The following MGA variants were observed in gnomAD, a reference collection of about 807,000 sequenced individuals.
MGA encodes MAX dimerization protein MGA, also known as MAX gene-associated protein.
Under a neutral mutation model 261.1 loss-of-function variants are expected in MGA, and 40 were observed. That is an observed-to-expected ratio of 0.15 (90% CI 0.12 to 0.20). MGA has a LOEUF of 0.20. MGA is among the 10% of genes least tolerant of loss of function. The pLI, the probability that MGA is intolerant of heterozygous loss-of-function variation, is 1.00. For missense variants in MGA, 3,397 were observed against 3,630.5 expected, an observed-to-expected ratio of 0.94 and a Z score of 1.65; for synonymous variants, 1,302 against 1,290.6, an observed-to-expected ratio of 1.01 and a Z score of -0.19.
rs1013848261 is a variant in MGA, at chr15:41,635,994, A to G, written c.-68+14696A>G. On this transcript the variant is annotated intron_variant, in intron 1 of 8. Coordinates refer to the MGA transcript ENST00000566718. ...AAAACTTTATAAAATTCAGTACTAG[A>G]TGATACTGCAATAACATACAGTACA... 4.6e-5 allele frequency among the ~76,000 whole-genome samples: 7 copies of G among 152,328 alleles called. No individual in the cohort carries two copies. The South Asian group carries it at 8.3e-4, about 18-fold the overall frequency.
Position 41,767,380 on chromosome 15 carries a change from C to A in MGA, c.*100C>A. 4 of 1,278,538 alleles carry A rather than the reference C, an allele frequency of 3.1e-6. No homozygotes were observed. Among genetic ancestry groups the A allele is most frequent in the Middle Eastern group, 4.3e-4 (2 of 4,634 alleles). 79.2% of individuals were successfully genotyped at this position (1,278,538 alleles called of 1,614,324 possible). ...TTGTTTGTGTCTTAGAACTTGGATC[C>A]TTGACTTCAATGATGCAGTGGATAA... On this transcript the variant is annotated 3_prime_UTR_variant, in exon 24 of 24. Coordinates refer to ENST00000219905, the MANE Select transcript of MGA (RefSeq NM_001164273.2).
chr15:41,733,111 A>G (rs1201707925), intron 11 of MGA, among the ~76,000 whole-genome samples: 1 of 152,120 alleles, frequency 6.6e-6, no homozygotes, highest in African/African-American at 2.4e-5. Flanking sequence ...GGCGGGTGCC[A>G]CCATGCCCGG....
At chr15:41,682,777 G>A (rs529196615) in intron 2 of MGA, among the ~76,000 whole-genome samples, 13 of 152,170 alleles carry the variant, frequency 8.5e-5, no homozygotes, top group African/African-American at 2.9e-4. Flanking sequence ...CACTGCACCC[G>A]GCCTCATGTA....
chr15:41,662,935 TTG>T (rs2057504427), intron 1 of MGA, among the ~76,000 whole-genome samples: 3 of 152,228 alleles, frequency 2.0e-5, no homozygotes, highest in Non-Finnish European at 4.4e-5. Context: ...ATTTGAATAT[TTG>T]TGTTTTTAAA....
upstream of MGA, among the ~76,000 whole-genome samples, chr15:41,658,065 G>A (rs2057244093): frequency 6.6e-6 from 1 of 152,230 alleles, no homozygotes. Context: ...ATGAGATAGT[G>A]CCTATGTGTT....
In MGA at chr15:41,664,629, G is replaced by A. The variant is rs1184515118; in HGVS notation, c.-68+4104G>A. 2.0e-5 allele frequency among the ~76,000 whole-genome samples: 3 copies of A among 152,130 alleles called. No individual in the cohort carries two copies. The East Asian group carries it at 5.8e-4, about 29-fold the overall frequency. ...CTCACGTGGAACACATACACACAAA[G>A]GATGTTTTGCATACTTATTCACAAA... is the stretch of plus-strand genomic sequence containing the variant. On this transcript the variant is annotated intron_variant, in intron 1 of 23. Coordinates refer to ENST00000219905, the MANE Select transcript of MGA (RefSeq NM_001164273.2).
At chr15:41,644,850 C>T (rs1007133580) in intron 1 of MGA, among the ~76,000 whole-genome samples, 2 of 152,058 alleles carry the variant, frequency 1.3e-5, no homozygotes, top group Non-Finnish European at 2.9e-5. Flanking sequence ...GGAGATAATA[C>T]GTTAACCCAG....
intron 12 of MGA, among the ~76,000 whole-genome samples, chr15:41,735,023 A>G (rs1595907646): frequency 1.3e-5 from 2 of 152,248 alleles, no homozygotes; most frequent in South Asian, 2.1e-4. Flanking sequence ...GATGACAGGT[A>G]GTGGTCAGGT....
chr15:41,761,347 G>GTC (rs2063445360), intron 20 of MGA, among the ~76,000 whole-genome samples: 1 of 152,236 alleles, frequency 6.6e-6, no homozygotes, highest in Non-Finnish European at 1.5e-5. Flanking sequence ...TAAGTAGAAG[G>GTC]TGGAGGAGTA....
Position 41,766,320 on chromosome 15 carries a change from G to T in MGA, c.8238G>T (p.Lys2746Asn), listed in dbSNP as rs1596038653. The T allele has an allele frequency of 2.5e-6, 4 of 1,613,912 alleles. No individual in the cohort carries two copies. Among genetic ancestry groups the T allele is most frequent in the Non-Finnish European group, 3.4e-6 (4 of 1,179,840 alleles). The stretch of plus-strand genomic sequence containing the variant: ...AAGCACAAGAGTTCTTACCTAAAAA[G>T]ATTTCTGGTGATATGAGAGGGATTC... The change falls in exon 24 of 24, where the codon AAG becomes AAT. Residue 2746 changes from lysine to asparagine, a missense_variant. Transcript: ENST00000219905.
intron 1 of MGA, among the ~76,000 whole-genome samples, chr15:41,624,281 T>G (rs1316891621): frequency 1.3e-5 from 2 of 151,470 alleles, no homozygotes; most frequent in Non-Finnish European, 2.9e-5. Context: ...GGAGTCCTGC[T>G]CTGTCGCCCA....
chr15:41,628,099 G>A (rs1183270794), intron 1 of MGA, among the ~76,000 whole-genome samples: 1 of 152,052 alleles, frequency 6.6e-6, no homozygotes, highest in Non-Finnish European at 1.5e-5. Flanking sequence ...GGCCAGGCAT[G>A]GTGGCTCATG....
chr15:41,750,126 A>G lies in MGA; in HGVS notation c.6519A>G (p.Arg2173=). ...ACTCTCTGGAGAAAGACAGGGAAAG[A>G]TGGAGAAAACATCTGAAGGGCCCCT... The change falls in exon 17 of 24, where the codon AGA becomes AGG. Residue 2173 remains arginine (R), a synonymous_variant. Transcript: ENST00000219905. 1 of 1,613,612 alleles carries G rather than the reference A, an allele frequency of 6.2e-7. No homozygotes were observed. The highest frequency in any genetic ancestry group is 8.5e-7 in the Non-Finnish European group (1 of 1,179,784).
chr15:41,667,895 C>T (rs890107617), intron 1 of MGA, among the ~76,000 whole-genome samples: 1 of 152,104 alleles, frequency 6.6e-6, no homozygotes, highest in African/African-American at 2.4e-5. Flanking sequence ...CTTCTGCCTC[C>T]TAGGATCAAG....
In MGA at chr15:41,706,584, C is replaced by CT. The variant is rs1567007650; in HGVS notation, c.2189-1144_2189-1143insT. Among the ~76,000 whole-genome samples the CT allele has an allele frequency of 4.6e-4, 25 of 54,472 alleles. No homozygotes were observed. The South Asian group carries it at 6.7e-3, about 15-fold the overall frequency. The allele number at this position is 54,472 out of a possible 152,430, so 35.7% of individuals were successfully genotyped here. ...CTTAACACTTAGCTTTTTTTTTTTC[C>CT]CTTTTTTTTTTTTTGAGATAGAGTC... On this transcript the variant is annotated intron_variant, in intron 5 of 23. Transcript: ENST00000219905.
chr15:41,681,340 C>T (rs2058662464), intron 2 of MGA, among the ~76,000 whole-genome samples: 1 of 149,630 alleles, frequency 6.7e-6, no homozygotes, highest in Middle Eastern at 3.3e-3. Flanking sequence ...AAATTATTTT[C>T]TAGTACAATA....
At chr15:41,760,902 A>G (rs1026999806) in intron 20 of MGA, among the ~76,000 whole-genome samples, 1 of 152,082 alleles carries the variant, frequency 6.6e-6, no homozygotes, top group African/African-American at 2.4e-5. Context: ...ACACCTGGCT[A>G]ATTTTGTATT....
At chr15:41,710,593 C>G in intron 7 of MGA, 98 bp from the exon 8 acceptor site, 1 of 1,194,198 alleles carries the variant, frequency 8.4e-7, no homozygotes, top group Non-Finnish European at 1.2e-6. Context: ...GATTCACTAT[C>G]TTGTAGCTCA....
upstream of MGA, among the ~76,000 whole-genome samples, chr15:41,655,493 A>G (rs1169885179): frequency 6.6e-6 from 1 of 152,170 alleles, no homozygotes; most frequent in Non-Finnish European, 1.5e-5. Flanking sequence ...ACTTTAAATC[A>G]TCTTTACTTA....
Sources: allele counts gnomAD v4.1 joint callset (sites outside exome capture counted in the v4.1 genomes callset), GRCh38; gene constraint gnomAD v4.1.1; transcripts MANE v1.5; gene names NCBI Gene and HGNC (gene_info 2026-07-23, HGNC 2026-07-21).